The following NLGN1 variants were observed in gnomAD, a reference collection of about 807,000 sequenced individuals.
The protein encoded by NLGN1 is neuroligin 1, also known as neuroligin-1.
A neutral mutation model predicts 65.5 loss-of-function variants in NLGN1; 12 were observed. That is an observed-to-expected ratio of 0.18 (90% CI 0.12 to 0.30). NLGN1 has a LOEUF of 0.30. NLGN1 is among the 10% of genes least tolerant of loss of function. The probability of loss-of-function intolerance (pLI) is 1.00; values close to 1 mark genes in which losing one functional copy is unlikely to be tolerated. For synonymous variants in NLGN1, 350 were observed against 359.5 expected (o/e 0.97, Z 0.30); for missense variants, 750 against 1,007.1 (o/e 0.74, Z 3.46).
At chr3:173,412,311 G>GACACACACTGACAC (rs1553842740) in intron 1 of NLGN1, among the ~76,000 whole-genome samples, 3 of 147,522 alleles carry the variant, frequency 2.0e-5, no homozygotes, top group Non-Finnish European at 3.0e-5. Flanking sequence ...CTCTCACTCT[G>GACACACACTGACAC]ACACACACAC....
In NLGN1 at chr3:174,280,501, C is replaced by T. The variant is rs768287784; in HGVS notation, c.1670C>T (p.Pro557Leu). Residue 557 changes from proline to leucine, a missense_variant, in exon 7 of 7, where the codon CCT becomes CTT. Pro to Leu is a moderately conservative substitution (Grantham distance 98). Transcript: ENST00000457714. This position sits in a 1 kb window ranked among gnomAD's most constrained non-coding sequence, Gnocchi z 4.9. ...CTTAGTGACCCAAATCAACCAGTCC[C>T]TCAAGACACGAAATTCATTCATACC... 1.2e-6 allele frequency: 2 copies of T among 1,610,192 alleles called. No individual in the cohort carries two copies. Among genetic ancestry groups the T allele is most frequent in the Non-Finnish European group, 1.7e-6 (2 of 1,178,206 alleles).
chr3:174,095,548 T>TAA (rs1745347992), intron 4 of NLGN1, among the ~76,000 whole-genome samples: 2 of 151,592 alleles, frequency 1.3e-5, no homozygotes, highest in African/African-American at 4.8e-5. Context: ...TATATATATA[T>TAA]AAAACGTGTG....
At chr3:173,415,393 A>C (rs1395183046) in intron 1 of NLGN1, among the ~76,000 whole-genome samples, 2 of 152,204 alleles carry the variant, frequency 1.3e-5, no homozygotes, top group African/African-American at 4.8e-5. Context: ...TTAAGTTCTC[A>C]ACAAGCGGTT....
intron 4 of NLGN1, among the ~76,000 whole-genome samples, chr3:173,864,946 A>G (rs559345305): frequency 1.3e-5 from 2 of 152,336 alleles, no homozygotes; most frequent in African/African-American, 2.4e-5. Flanking sequence ...GATGGGATAT[A>G]TGATTCCTTG....
At chr3:174,171,796 A>G (rs527634687) in intron 4 of NLGN1, among the ~76,000 whole-genome samples, 2 of 152,132 alleles carry the variant, frequency 1.3e-5, no homozygotes, top group East Asian at 3.9e-4. Flanking sequence ...CTCGTCACCA[A>G]TTTCCCACCT....
chr3:173,920,819 C>G (rs1230120327), intron 4 of NLGN1: 1 of 150,196 alleles, frequency 6.7e-6, no homozygotes, highest in Non-Finnish European at 1.5e-5. Flanking sequence ...GAGATAGAAA[C>G]AGAGAGAGAG....
chr3:173,882,821 G>T (rs1245437934), intron 4 of NLGN1, among the ~76,000 whole-genome samples: 1 of 152,054 alleles, frequency 6.6e-6, no homozygotes, highest in Non-Finnish European at 1.5e-5. Flanking sequence ...TTCACAACTG[G>T]GCTGTTTAGT....
intron 4 of NLGN1, among the ~76,000 whole-genome samples, chr3:174,200,326 A>G (rs1364725704): frequency 6.6e-6 from 1 of 152,230 alleles, no homozygotes; most frequent in East Asian, 1.9e-4. Flanking sequence ...TCAACTTCTA[A>G]GGCTTGAACA....
At chr3:173,553,147 T>A (rs115046568) in intron 2 of NLGN1, among the ~76,000 whole-genome samples, 1 of 152,308 alleles carries the variant, frequency 6.6e-6, no homozygotes, top group East Asian at 1.9e-4. Flanking sequence ...CTTGGAGGAT[T>A]CGCCTTGAAA....
chr3:173,574,352 A>G (rs1745170022), intron 2 of NLGN1, among the ~76,000 whole-genome samples: 1 of 151,966 alleles, frequency 6.6e-6, no homozygotes, highest in Admixed American at 6.5e-5. Context: ...GGAGTAACCC[A>G]AATATAAGAT....
Position 173,606,762 on chromosome 3 carries a change from C to T in NLGN1, c.493+1671C>T, listed in dbSNP as rs528480362. On this transcript the variant is annotated intron_variant, in intron 3 of 6. Transcript: ENST00000457714. ...GTAATACTGGTAGAGTGGGATTTAACCTTCATTCTTTATTGATGTTATGAA... is the reference window on the plus strand; with the variant it reads ...GTAATACTGGTAGAGTGGGATTTAATCTTCATTCTTTATTGATGTTATGAA... 2.0e-5 allele frequency among the ~76,000 whole-genome samples: 3 copies of T among 152,016 alleles called. No homozygotes were observed. In the South Asian group the frequency reaches 6.2e-4, roughly 31 times the overall value.
At chr3:174,006,854 G>A (rs762376697) in intron 4 of NLGN1, among the ~76,000 whole-genome samples, 6 of 151,916 alleles carry the variant, frequency 3.9e-5, no homozygotes, top group Admixed American at 6.6e-5. Context: ...GGATCAGTTG[G>A]GGTCAGGAGT....
intron 4 of NLGN1, among the ~76,000 whole-genome samples, chr3:173,858,653 A>T (rs1728489062): frequency 6.6e-6 from 1 of 152,062 alleles, no homozygotes; most frequent in Non-Finnish European, 1.5e-5. Flanking sequence ...GATGGTTTCT[A>T]TGATAATTTC....
intron 2 of NLGN1, among the ~76,000 whole-genome samples, chr3:173,583,662 G>C (rs1746763823): frequency 1.3e-5 from 2 of 152,170 alleles, no homozygotes; most frequent in Admixed American, 1.3e-4. Context: ...ACAAAGTCCT[G>C]AAATTCCTTG....
chr3:174,119,399 C>A (rs1207452844), intron 4 of NLGN1, among the ~76,000 whole-genome samples: 1 of 151,422 alleles, frequency 6.6e-6, no homozygotes, highest in Non-Finnish European at 1.5e-5. Context: ...CTCTTTTTAA[C>A]CACTTCAAAG....
At chr3:174,221,366 C>T (rs527672278) in intron 4 of NLGN1, among the ~76,000 whole-genome samples, 16 of 152,170 alleles carry the variant, frequency 1.1e-4, no homozygotes, top group South Asian at 1.0e-3. Context: ...TTGCCAGCTT[C>T]TACTGACTGA....
In NLGN1 at chr3:173,471,080, AAAC is replaced by A. The variant is rs200675261; in HGVS notation, c.-321+36014_-321+36016del. 4.0e-3 allele frequency among the ~76,000 whole-genome samples: 613 copies of A among 152,268 alleles called. 3 individuals are homozygous for A. Among genetic ancestry groups the A allele is most frequent in the Middle Eastern group, 0.034 (10 of 294 alleles). On this transcript the variant is annotated intron_variant, in intron 2 of 6. Transcript: ENST00000457714. The stretch of plus-strand genomic sequence containing the variant: ...ATAAAAGAATTAGTTGATCTCCAGA[AAAC>A]AACAACAACAATAAACGCCTGCATC...
At chr3:174,066,564 C>CTCTCTCTCTCTCTCTGTG (rs1553925385) in intron 4 of NLGN1, among the ~76,000 whole-genome samples, 2 of 100,102 alleles carry the variant, frequency 2.0e-5, no homozygotes, top group African/African-American at 8.2e-5. Context: ...CTCTCTCTCT[C>CTCTCTCTCTCTCTCTGTG]TGTGTGTGTG....
intron 4 of NLGN1, 146 bp downstream of exon 4, chr3:173,807,978 A>T (rs1488547): frequency 2.8e-6 from 2 of 715,550 alleles, no homozygotes; most frequent in East Asian, 5.4e-5. Context: ...TTATAGTTTC[A>T]ATGAATTCTA....
Sources: gnomAD v4.1 joint callset for allele counts (sites outside exome capture counted in the v4.1 genomes callset) on GRCh38, gnomAD v4.1.1 for gene constraint, Gnocchi (gnomAD v3.1) non-coding constraint, MANE v1.5 for transcripts, NCBI Gene and HGNC (gene_info 2026-07-23, HGNC 2026-07-21) for gene names.